The following U2AF2 variants were observed in gnomAD, a reference collection of about 807,000 sequenced individuals.
The protein encoded by U2AF2 is splicing factor U2AF 65 kDa subunit.
U2AF2 carries 6 observed loss-of-function variants against 52.6 expected under a neutral mutation model. The observed-to-expected ratio is 0.11, with a 90% CI of 0.06 to 0.23. The LOEUF is 0.23. U2AF2 is among the 10% of genes least tolerant of loss of function. U2AF2 has a pLI of 1.00. For synonymous variants in U2AF2, 284 were observed against 258.2 expected, an observed-to-expected ratio of 1.10 and a Z score of -0.96; for missense variants, 222 against 677.1, an observed-to-expected ratio of 0.33 and a Z score of 7.46.
intron 4 of U2AF2, 65 bp downstream of exon 4, chr19:55,660,684 A>T: frequency 6.8e-7 from 1 of 1,465,014 alleles, no homozygotes; most frequent in Non-Finnish European, 9.4e-7. Flanking sequence ...TCCGTCAGTC[A>T]TTCCCCTGCG....
At chr19:55,659,092 C>G in intron 1 of U2AF2, 118 bp from the exon 2 acceptor site, 1 of 1,349,066 alleles carries the variant, frequency 7.4e-7, no homozygotes, top group African/African-American at 1.5e-5. Context: ...TCCATTGAAT[C>G]CCTTCCCTTT....
intron 11 of U2AF2, among the ~76,000 whole-genome samples, chr19:55,669,986 A>G (rs1034627503): frequency 1.9e-4 from 29 of 152,084 alleles, no homozygotes; most frequent in Admixed American, 1.3e-4. Flanking sequence ...TCGCTGTAGA[A>G]CTTGGCCCTG....
rs776642473 is a variant in U2AF2 at position 55,669,645 on chromosome 19, G to A, written c.1246G>A (p.Glu416Lys). The A allele has an allele frequency of 6.2e-7, 1 of 1,612,758 alleles. No individual in the cohort carries two copies. Among genetic ancestry groups the A allele is most frequent in the Non-Finnish European group, 8.5e-7 (1 of 1,179,750 alleles). Residue 416 changes from glutamate to lysine, a missense_variant, in exon 11 of 12, where the codon GAG becomes AAG. Glu to Lys is a moderately conservative substitution (Grantham distance 56). Around this residue, in one of 4 missense-constraint regions of U2AF2, gnomAD observed 71 missense variants for 180.6 expected, o/e 0.39. Transcript: ENST00000308924. ...CSKYGLVKSI[E>K]IPRPVDGVEV... is the part of the protein sequence containing the mutation. ...CAAGTACGGGCTTGTCAAGTCCATC[G>A]AGATCCCCCGGCCTGTGGACGGCGT...
rs1171027106 is a variant in U2AF2 at position 55,662,545 on chromosome 19, G to A, written c.530G>A (p.Gly177Glu). 1 of 1,612,686 alleles carries A rather than the reference G, an allele frequency of 6.2e-7. No individual in the cohort carries two copies. Among genetic ancestry groups the A allele is most frequent in the Non-Finnish European group, 8.5e-7 (1 of 1,179,468 alleles). Reference protein sequence around the residue: ...DFFNAQMRLGGLTQAPGNPVL... With the variant: ...DFFNAQMRLGELTQAPGNPVL... The stretch of plus-strand genomic sequence containing the variant: ...TTCAACGCCCAGATGCGCCTGGGGG[G>A]GCTGACCCAGGCCCCTGGCAACCCA... The change falls in exon 6 of 12, where the codon GGG becomes GAG. Residue 177 changes from glycine (G) to glutamate (E), a missense_variant. Physicochemically the swap from Gly to Glu is moderately conservative, Grantham distance 98 (BLOSUM62 -2). This residue lies in a region of U2AF2 where 35 missense variants were observed against 149.3 expected (regional missense o/e 0.23). Coordinates refer to ENST00000308924, the MANE Select transcript of U2AF2 (RefSeq NM_007279.3).
intron 2 of U2AF2, among the ~76,000 whole-genome samples, chr19:55,659,594 C>T (rs948421003): frequency 7.9e-5 from 12 of 151,730 alleles, no homozygotes; most frequent in African/African-American, 2.4e-4. Flanking sequence ...GCAATAGGCT[C>T]TTTATCTGGA....
intron 3 of U2AF2, 74 bp downstream of exon 3, chr19:55,660,295 C>A: frequency 6.6e-7 from 1 of 1,526,342 alleles, no homozygotes; most frequent in Non-Finnish European, 8.9e-7. Flanking sequence ...GCACCCTGTC[C>A]CGCCCATTTC....
At position 55,660,236 on chromosome 19, in the gene U2AF2, C is replaced by T. The variant is rs1984085910; in HGVS notation, c.230+15C>T. 1.2e-6 allele frequency: 2 copies of T among 1,612,038 alleles called. No homozygotes were observed. Among genetic ancestry groups the T allele is most frequent in the Non-Finnish European group, 8.5e-7 (1 of 1,178,900 alleles). On this transcript the variant is annotated intron_variant, in intron 3 of 11. Coordinates refer to ENST00000308924, the MANE Select transcript of U2AF2 (RefSeq NM_007279.3). ...GGTGGACTGATGTGAGCTTCTCTTCCTGCCCCTTCCTCCCTGATGTCCACT... is the reference window on the plus strand; with the variant it reads ...GGTGGACTGATGTGAGCTTCTCTTCTTGCCCCTTCCTCCCTGATGTCCACT...
At chr19:55,658,165 C>T (rs764680814) in intron 1 of U2AF2, among the ~76,000 whole-genome samples, 5 of 152,132 alleles carry the variant, frequency 3.3e-5, no homozygotes, top group Admixed American at 6.5e-5. Flanking sequence ...GATGATCACT[C>T]CAGGAGATGC....
chr19:55,658,888 G>A (rs1165900553), intron 1 of U2AF2: 7 of 278,138 alleles, frequency 2.5e-5, no homozygotes, highest in Non-Finnish European at 3.3e-5. Context: ...TCTCAGGGAC[G>A]ACCCTGGGGT....
chr19:55,659,061 G>A (rs1479275667), intron 1 of U2AF2, 149 bp from the exon 2 acceptor site: 5 of 1,267,986 alleles, frequency 3.9e-6, no homozygotes, highest in Non-Finnish European at 5.1e-6. Flanking sequence ...GTGGACCCAG[G>A]AGGCCTGTTA....
chr19:55,672,186 CAT>C (rs924601570), intron 11 of U2AF2: 4 of 150,626 alleles, frequency 2.7e-5, no homozygotes, highest in South Asian at 2.1e-4. Flanking sequence ...TTTTTTGTTA[CAT>C]GTCTTTTCAA....
Position 55,674,164 on chromosome 19 carries a change from TGACAGCCGCAGACACAC to T in U2AF2, c.*105_*121del. The T allele has an allele frequency of 9.7e-7, 1 of 1,034,418 alleles. No individual in the cohort carries two copies. Among genetic ancestry groups the T allele is most frequent in the Non-Finnish European group, 1.2e-6 (1 of 835,236 alleles). The allele number at this position is 1,034,418 out of a possible 1,614,324, so 64.1% of individuals were successfully genotyped here. On this transcript the variant is annotated 3_prime_UTR_variant, in exon 12 of 12. Transcript: ENST00000308924. The stretch of plus-strand genomic sequence containing the variant: ...CCTCTGAAGACGATGGGCAGAGGAG[TGACAGCCGCAGACACAC>T]GACAGCCGGCAGCAACTGGAATGGC...
At chr19:55,665,096 C>T (rs950304292) in intron 7 of U2AF2, among the ~76,000 whole-genome samples, 16 of 152,190 alleles carry the variant, frequency 1.1e-4, no homozygotes, top group Admixed American at 9.2e-4. Flanking sequence ...TGCTCCCAAT[C>T]GACATGGACT....
chr19:55,656,515 T>C (rs1443603557), intron 1 of U2AF2, among the ~76,000 whole-genome samples: 1 of 152,214 alleles, frequency 6.6e-6, no homozygotes, highest in African/African-American at 2.4e-5. Flanking sequence ...ATTTGTAGAC[T>C]GATTATTATT....
At chr19:55,655,572 C>T (rs1438189116) in intron 1 of U2AF2, among the ~76,000 whole-genome samples, 1 of 152,278 alleles carries the variant, frequency 6.6e-6, no homozygotes, top group Non-Finnish European at 1.5e-5. Context: ...GGGCCCACGG[C>T]AGCGTCTCCA....
At chr19:55,660,274 C>G (rs1984089739) in intron 3 of U2AF2, 53 bp downstream of exon 3, 1 of 1,588,426 alleles carries the variant, frequency 6.3e-7, no homozygotes, top group South Asian at 1.1e-5. Flanking sequence ...CTTCACCTTC[C>G]TCACGCCCGT....
rs576682409 is a variant in U2AF2 at position 55,668,071 on chromosome 19, C to T, written c.743-436C>T. 5.3e-5 allele frequency among the ~76,000 whole-genome samples: 8 copies of T among 152,242 alleles called. No homozygotes were observed. Among genetic ancestry groups the T allele is most frequent in the South Asian group, 4.1e-4 (2 of 4,826 alleles). Reference sequence around the variant, plus strand: ...TGCTGAGATTACAGGCGTGAGCCCCCGCGCCCGGCCGGGACTGAGCTTTAA... The same window carrying T: ...TGCTGAGATTACAGGCGTGAGCCCCTGCGCCCGGCCGGGACTGAGCTTTAA... On this transcript the variant is annotated intron_variant, in intron 7 of 11. Coordinates refer to ENST00000308924, the MANE Select transcript of U2AF2 (RefSeq NM_007279.3). This position sits in a 1 kb window ranked among gnomAD's most constrained non-coding sequence, Gnocchi z 5.5.
chr19:55,669,836 C>T lies in U2AF2; in HGVS notation c.1293+144C>T, dbSNP rs557958835. 822 of 1,306,890 alleles carry T rather than the reference C, an allele frequency of 6.3e-4. 3 individuals carry two copies. In the Middle Eastern group the frequency reaches 0.013, roughly 21 times the overall value. 81.0% of individuals were successfully genotyped at this position (1,306,890 alleles called of 1,614,324 possible). ...TTCCTCTCTCTCTCCTCTCGCAGCG[C>T]GTGCGTATAGGTGTATGCCATCACT... On this transcript the variant is annotated intron_variant, in intron 11 of 11. Transcript: ENST00000308924.
intron 11 of U2AF2, among the ~76,000 whole-genome samples, chr19:55,669,924 T>TG (rs772209359): frequency 1.3e-5 from 2 of 152,182 alleles, no homozygotes; most frequent in African/African-American, 2.4e-5. Flanking sequence ...TGTGGCCCTG[T>TG]GGGGGCCCAA....
Sources: gnomAD v4.1 joint callset for allele counts (sites outside exome capture counted in the v4.1 genomes callset) on GRCh38, gnomAD v4.1.1 for gene constraint, gnomAD v4.1.1 regional missense constraint, Gnocchi (gnomAD v3.1) non-coding constraint, MANE v1.5 for transcripts, NCBI Gene and HGNC (gene_info 2026-07-23, HGNC 2026-07-21) for gene names.